The following AFAP1L1 variants were observed in gnomAD, a reference collection of about 807,000 sequenced individuals.
AFAP1L1 encodes actin filament-associated protein 1-like 1.
A neutral mutation model predicts 99.8 loss-of-function variants in AFAP1L1; 77 were observed. The ratio of observed to expected loss-of-function variants is 0.77; its 90% CI spans 0.64 to 0.93. AFAP1L1 has a LOEUF of 0.93. Among genes scored for constraint, AFAP1L1 ranks in the 40% least tolerant of loss-of-function variants. The pLI is 0.00. For missense variants in AFAP1L1, 893 were observed against 996.8 expected (o/e 0.90, Z 1.40); for synonymous variants, 373 against 395.3 (o/e 0.94, Z 0.67).
At chr5:149,274,442 A>G (rs145622528) in intron 1 of AFAP1L1, among the ~76,000 whole-genome samples, 25 of 152,366 alleles carry the variant, frequency 1.6e-4, no homozygotes, top group African/African-American at 4.8e-4. Flanking sequence ...CATCTCAAGT[A>G]AAGTGGTCTT....
chr5:149,322,925 T>C lies in AFAP1L1; in HGVS notation c.1810+208T>C, dbSNP rs940397942. ...GCCTCAGAGGGAAAATGACAGGGAG[T>C]TGGGGGGTGGGGAGGTACTGTAGGA... On this transcript the variant is annotated intron_variant, in intron 15 of 18. Transcript: ENST00000296721. Among the ~76,000 whole-genome samples, 5 of 151,156 alleles carry C rather than the reference T, an allele frequency of 3.3e-5. No individual in the cohort carries two copies. The East Asian group carries it at 5.9e-4, about 18-fold the overall frequency.
At chr5:149,283,990 G>C (rs1741192245) in intron 1 of AFAP1L1, among the ~76,000 whole-genome samples, 1 of 152,222 alleles carries the variant, frequency 6.6e-6, no homozygotes. Flanking sequence ...GTCATATCTA[G>C]TCAGTGTCCA....
intron 1 of AFAP1L1, among the ~76,000 whole-genome samples, chr5:149,292,930 C>A (rs1371638932): frequency 6.6e-6 from 1 of 152,204 alleles, no homozygotes; most frequent in Non-Finnish European, 1.5e-5. Context: ...AAGATATTGT[C>A]TCCTCACCTT....
chr5:149,339,351 G>A (rs1279960922), intron 18 of AFAP1L1, among the ~76,000 whole-genome samples: 4 of 151,784 alleles, frequency 2.6e-5, no homozygotes, highest in African/African-American at 4.8e-5. Flanking sequence ...CACCACACTC[G>A]GCTAATTTTT....
At chr5:149,311,747 C>T (rs1457447876) in intron 8 of AFAP1L1, among the ~76,000 whole-genome samples, 2 of 152,214 alleles carry the variant, frequency 1.3e-5, no homozygotes, top group African/African-American at 4.8e-5. Flanking sequence ...TCACTCTTCG[C>T]ATCCATGGTC....
At chr5:149,281,781 C>T (rs181465206) in intron 1 of AFAP1L1, among the ~76,000 whole-genome samples, 14 of 152,190 alleles carry the variant, frequency 9.2e-5, no homozygotes, top group African/African-American at 3.1e-4. Context: ...GTTAGATATA[C>T]GAGGGACTTG....
intron 12 of AFAP1L1, among the ~76,000 whole-genome samples, chr5:149,318,339 T>G (rs1581330352): frequency 1.3e-5 from 2 of 152,238 alleles, no homozygotes; most frequent in East Asian, 3.8e-4. Flanking sequence ...ATCCCAAGCC[T>G]GAAAGGCATT....
chr5:149,337,836 A>C (rs904684290), intron 18 of AFAP1L1, among the ~76,000 whole-genome samples: 8 of 152,178 alleles, frequency 5.3e-5, no homozygotes, highest in African/African-American at 1.7e-4. Flanking sequence ...CAGTGGTCAG[A>C]GAGGGCCTCT....
chr5:149,318,072 C>A, intron 12 of AFAP1L1, 132 bp downstream of exon 12: 1 of 1,049,902 alleles, frequency 9.5e-7, no homozygotes, highest in Non-Finnish European at 1.4e-6. Flanking sequence ...AGCCTCACTC[C>A]TGTCAGGTGA....
chr5:149,288,344 A>G (rs1335278560), intron 1 of AFAP1L1, among the ~76,000 whole-genome samples: 1 of 152,234 alleles, frequency 6.6e-6, no homozygotes, highest in Non-Finnish European at 1.5e-5. Context: ...CACTTGGCTC[A>G]TGTGTAAACG....
intron 1 of AFAP1L1, among the ~76,000 whole-genome samples, chr5:149,278,845 C>T (rs1416086847): frequency 1.3e-5 from 2 of 152,312 alleles, no homozygotes; most frequent in East Asian, 3.9e-4. Context: ...TTGCCCCTCT[C>T]TCCCCTGATC....
chr5:149,322,787 C>G (rs1756991572), intron 15 of AFAP1L1, 70 bp downstream of exon 15: 2 of 1,272,128 alleles, frequency 1.6e-6, no homozygotes, highest in Admixed American at 2.5e-5. Context: ...GGAGGGATCT[C>G]AAAATCAGTT....
At chr5:149,324,163 AG>A (rs1481512078) in intron 15 of AFAP1L1, among the ~76,000 whole-genome samples, 29 of 152,188 alleles carry the variant, frequency 1.9e-4, no homozygotes, top group Admixed American at 1.9e-3. Flanking sequence ...AGAAAATAAA[AG>A]GGAAGATATC....
At chr5:149,278,444 C>G (rs1755410281) in intron 1 of AFAP1L1, among the ~76,000 whole-genome samples, 1 of 152,202 alleles carries the variant, frequency 6.6e-6, no homozygotes, top group Non-Finnish European at 1.5e-5. Flanking sequence ...GATTGAGCCT[C>G]TACTCCTTTC....
Position 149,320,244 on chromosome 5 carries a change from C to A in AFAP1L1, c.1626-147C>A. The stretch of plus-strand genomic sequence containing the variant: ...TGACGCCCTAACACAGCCCATGACA[C>A]AATGCTGCCTGCCATCTTGCTTTTA... On this transcript the variant is annotated intron_variant, in intron 13 of 18. Coordinates refer to ENST00000296721, the MANE Select transcript of AFAP1L1 (RefSeq NM_152406.4). This position sits in a 1 kb window ranked among gnomAD's most constrained non-coding sequence, Gnocchi z 4.0. 2 of 735,196 alleles carry A rather than the reference C, an allele frequency of 2.7e-6. No individual in the cohort carries two copies. The highest frequency in any genetic ancestry group is 4.6e-6 in the Non-Finnish European group (2 of 430,894). 45.5% of individuals were successfully genotyped at this position (735,196 alleles called of 1,614,324 possible).
intron 1 of AFAP1L1, among the ~76,000 whole-genome samples, chr5:149,286,548 C>T (rs529655629): frequency 1.0e-3 from 156 of 152,302 alleles, no homozygotes; most frequent in South Asian, 2.1e-3. Flanking sequence ...TTCTGCAAGC[C>T]GATTGTCCAC....
At chr5:149,283,881 G>A (rs1045011259) in intron 1 of AFAP1L1, among the ~76,000 whole-genome samples, 10 of 152,206 alleles carry the variant, frequency 6.6e-5, no homozygotes, top group African/African-American at 2.4e-4. Context: ...CAGCAACCAG[G>A]TGCAGCTCTC....
chr5:149,298,550 T>C (rs565563709), intron 1 of AFAP1L1, among the ~76,000 whole-genome samples: 1 of 152,238 alleles, frequency 6.6e-6, no homozygotes, highest in Admixed American at 6.5e-5. Flanking sequence ...GACAATAAAA[T>C]GTAAAAGGGC....
intron 1 of AFAP1L1, among the ~76,000 whole-genome samples, chr5:149,293,090 C>T (rs1186429890): frequency 6.6e-6 from 1 of 152,182 alleles, no homozygotes. Flanking sequence ...GCCCTCTTGT[C>T]CCTGTACCAT....
Sources: gnomAD v4.1 joint callset for allele counts (sites outside exome capture counted in the v4.1 genomes callset) on GRCh38, gnomAD v4.1.1 for gene constraint, Gnocchi (gnomAD v3.1) non-coding constraint, MANE v1.5 for transcripts, NCBI Gene and HGNC (gene_info 2026-07-23, HGNC 2026-07-21) for gene names.